The following SPG11 variants were observed in gnomAD, a reference collection of about 807,000 sequenced individuals.
SPG11 encodes SPG11 vesicle trafficking associated, spatacsin.
In SPG11, 222 loss-of-function variants were observed where a neutral mutation model predicts 274.0. The ratio of observed to expected loss-of-function variants is 0.81; its 90% CI spans 0.73 to 0.91. SPG11 has a LOEUF of 0.91. Among genes scored for constraint, SPG11 ranks in the 40% least tolerant of loss-of-function variants. The probability of loss-of-function intolerance (pLI) is 0.00; values close to 1 mark genes in which losing one functional copy is unlikely to be tolerated. For missense variants in SPG11, 3,114 were observed against 2,872.7 expected (o/e 1.08, Z -1.92); for synonymous variants, 1,144 against 1,039.7 (o/e 1.10, Z -1.93).
intron 10 of SPG11, 147 bp from the exon 11 acceptor site, chr15:44,626,654 A>G: frequency 2.4e-6 from 2 of 827,226 alleles, no homozygotes; most frequent in South Asian, 3.4e-5. Context: ...TTCAAGGGAT[A>G]TTAAATTGAG....
At chr15:44,637,566 G>A (rs541375951) in intron 7 of SPG11, among the ~76,000 whole-genome samples, 10 of 152,160 alleles carry the variant, frequency 6.6e-5, no homozygotes, top group Middle Eastern at 3.4e-3. Context: ...TGCGCACCTC[G>A]GCCTCCCAAA....
At chr15:44,619,616 G>GA (rs1313094764) in intron 15 of SPG11, among the ~76,000 whole-genome samples, 2 of 152,008 alleles carry the variant, frequency 1.3e-5, no homozygotes, top group African/African-American at 4.8e-5. Flanking sequence ...TAGCCCTACT[G>GA]AAAACTTAAC....
intron 28 of SPG11, chr15:44,588,663 A>G (rs1394721926): frequency 2.3e-5 from 10 of 433,998 alleles, no homozygotes; most frequent in East Asian, 2.2e-4. Flanking sequence ...AAAAAAGCAA[A>G]TAACAAGGGA....
intron 35 of SPG11, among the ~76,000 whole-genome samples, chr15:44,568,840 A>G (rs959458859): frequency 1.2e-4 from 18 of 152,200 alleles, no homozygotes; most frequent in Admixed American, 3.3e-4. Flanking sequence ...GGCAGGAGAC[A>G]GAGGCTGAGG....
intron 38 of SPG11, 38 bp downstream of exon 38, chr15:44,565,816 T>C (rs2082295540): frequency 1.2e-6 from 2 of 1,612,444 alleles, no homozygotes; most frequent in African/African-American, 1.3e-5. Context: ...GGAGAGAGGA[T>C]GCTAGCAGTG....
chr15:44,638,650 TATG>T (rs2084352692), intron 7 of SPG11, among the ~76,000 whole-genome samples: 1 of 152,140 alleles, frequency 6.6e-6, no homozygotes, highest in Non-Finnish European at 1.5e-5. Context: ...CTGGAGTGCT[TATG>T]ATGTTTTATT....
rs769972808 is a variant in SPG11 at position 44,620,392 on chromosome 15, A to G, written c.2632T>C (p.Tyr878His). The change falls in exon 15 of 40, where the codon TAT becomes CAT. Residue 878 changes from tyrosine (Y) to histidine (H), a missense_variant. Coordinates refer to ENST00000261866, the MANE Select transcript of SPG11 (RefSeq NM_025137.4). Reference sequence around the variant, plus strand: ...TATCTCCAGAGGGCTTCAGGGGAATATGATTTGTATTCTACATGAAAAAAA... The same window carrying G: ...TATCTCCAGAGGGCTTCAGGGGAATGTGATTTGTATTCTACATGAAAAAAA... ...PRISPEEYKS[Y>H]SPEALWRYLT... is the part of the protein sequence containing the mutation. 3 of 1,612,294 alleles carry G rather than the reference A, an allele frequency of 1.9e-6. No homozygotes were observed. The South Asian group carries it at 3.3e-5, about 18-fold the overall frequency.
intron 14 of SPG11, chr15:44,621,335 T>C (rs888545327): frequency 6.4e-6 from 1 of 155,698 alleles, no homozygotes; most frequent in African/African-American, 2.4e-5. Flanking sequence ...AAAAATAAAT[T>C]AAAAATAATA....
At position 44,628,841 on chromosome 15, in the gene SPG11, A is replaced by G; in HGVS notation, c.1895T>C (p.Leu632Pro). 1.2e-6 allele frequency: 2 copies of G among 1,612,802 alleles called. No homozygotes were observed. Among genetic ancestry groups the G allele is most frequent in the Non-Finnish European group, 1.7e-6 (2 of 1,179,816 alleles). The part of the protein sequence containing the change: ...IKELFIHTEE[L>P]DEHLQKGVNI... ...CACTCCTTTTTGCAGATGTTCATCT[A>G]GTTCTATGGAAAATACCAATGTGCC... is the stretch of plus-strand genomic sequence containing the variant. Residue 632 changes from leucine (L) to proline (P), a missense_variant, in exon 10 of 40, where the codon CTA becomes CCA. Physicochemically the swap from Leu to Pro is moderately conservative, Grantham distance 98. Coordinates refer to ENST00000261866, the MANE Select transcript of SPG11 (RefSeq NM_025137.4).
chr15:44,660,578 G>T lies in SPG11; in HGVS notation c.296C>A (p.Thr99Asn). 6.2e-7 allele frequency: 1 copy of T among 1,614,160 alleles called. No homozygotes were observed. Among genetic ancestry groups the T allele is most frequent in the Non-Finnish European group, 8.5e-7 (1 of 1,180,032 alleles). The change falls in exon 2 of 40, where the codon ACT becomes AAT. Residue 99 changes from threonine (T) to asparagine (N), a missense_variant. Thr to Asn is a moderately conservative substitution (Grantham distance 65). Coordinates refer to ENST00000261866, the MANE Select transcript of SPG11 (RefSeq NM_025137.4). The part of the protein sequence containing the change: ...WEDSRNSSTP[T>N]EKPKLLALGE... The stretch of plus-strand genomic sequence containing the variant: ...AAGAGCGAGCAGTTTGGGCTTTTCA[G>T]TTGGTGTGCTGCTGTTACGAGAATC...
rs749192217 is a variant in SPG11, at chr15:44,613,441, C to T, written c.3134G>A (p.Ser1045Asn). ...EFLVQCRQVA[S>N]NLTDPKLIFQ... ...CAGTATACCCATACCTGTTAAGTTA[C>T]TGGCAACTTGTCGACACTGAACTAA... Residue 1045 changes from serine (S) to asparagine (N), a missense_variant, in exon 17 of 40, where the codon AGT becomes AAT. Coordinates refer to ENST00000261866, the MANE Select transcript of SPG11 (RefSeq NM_025137.4). The T allele has an allele frequency of 1.2e-5, 20 of 1,612,414 alleles. No individual in the cohort carries two copies. The highest frequency in any genetic ancestry group is 1.3e-5 in the Non-Finnish European group (15 of 1,178,626).
At chr15:44,647,786 T>C (rs149851362) in intron 7 of SPG11, among the ~76,000 whole-genome samples, 46 of 152,344 alleles carry the variant, frequency 3.0e-4, no homozygotes, top group African/African-American at 1.1e-3. Flanking sequence ...CTAATGGTTA[T>C]GGACTTTCTT....
At chr15:44,601,552 C>T (rs2083188810) in intron 20 of SPG11, among the ~76,000 whole-genome samples, 1 of 149,790 alleles carries the variant, frequency 6.7e-6, no homozygotes, top group South Asian at 2.1e-4. Context: ...TGCGCCCAGC[C>T]TCTTCTTTTT....
chr15:44,616,947 C>T (rs1881061530), intron 15 of SPG11, among the ~76,000 whole-genome samples: 2 of 152,130 alleles, frequency 1.3e-5, no homozygotes, highest in South Asian at 4.1e-4. Flanking sequence ...GCATCTTTTC[C>T]TATATTGATT....
At chr15:44,602,115 T>C (rs1189143997) in intron 20 of SPG11, among the ~76,000 whole-genome samples, 1 of 152,226 alleles carries the variant, frequency 6.6e-6, no homozygotes, top group African/African-American at 2.4e-5. Flanking sequence ...ACAGTTTTAC[T>C]GGTAGAGTCT....
intron 7 of SPG11, among the ~76,000 whole-genome samples, chr15:44,643,906 G>C (rs1003981072): frequency 1.3e-5 from 2 of 152,082 alleles, no homozygotes; most frequent in Admixed American, 1.3e-4. Context: ...GCTCACGCCT[G>C]TAATCCCAGC....
At position 44,573,697 on chromosome 15, in the gene SPG11, T is replaced by C. The variant is rs779124113; in HGVS notation, c.6055A>G (p.Met2019Val). 6 of 1,614,064 alleles carry C rather than the reference T, an allele frequency of 3.7e-6. No individual in the cohort carries two copies. The highest frequency in any genetic ancestry group is 1.3e-5 in the African/African-American group (1 of 74,916). The change falls in exon 32 of 40, where the codon ATG (methionine) becomes GTG (valine). Residue 2019 changes from methionine to valine, a missense_variant. Physicochemically the swap from Met to Val is conservative, Grantham distance 21. Coordinates refer to ENST00000261866, the MANE Select transcript of SPG11 (RefSeq NM_025137.4). ...TDVAAQDGEA[M>V]LRKILASQQP... Reference sequence around the variant, plus strand: ...TGAGAGGCCAAGATTTTCCGGAGCATGGCTTCACCATCCTGAGCAGCAACA... The same window carrying C: ...TGAGAGGCCAAGATTTTCCGGAGCACGGCTTCACCATCCTGAGCAGCAACA...
At position 44,663,551 on chromosome 15, in the gene SPG11, C is replaced by G; in HGVS notation, c.97G>C (p.Val33Leu). The G allele has an allele frequency of 6.3e-7, 1 of 1,597,610 alleles. No homozygotes were observed. The highest frequency in any genetic ancestry group is 2.3e-5 in the East Asian group (1 of 44,242). The change falls in exon 1 of 40, where the codon GTC becomes CTC. Residue 33 changes from valine (V) to leucine (L), a missense_variant. Val to Leu is a conservative substitution (Grantham distance 32). Transcript: ENST00000261866. ...AGCTGCCCCATCGCCTCGGCGGGGA[C>G]TGGCACCAACAGCATCGGTAGAACC... The part of the protein sequence containing the change: ...GRVLPMLLVP[V>L]PAEAMGQLGS...
chr15:44,592,557 G>C, intron 26 of SPG11, 119 bp from the exon 27 acceptor site: 1 of 708,122 alleles, frequency 1.4e-6, no homozygotes. Flanking sequence ...AGTGGCTCAT[G>C]CCTGTAATGC....
Sources: gnomAD v4.1 joint callset for allele counts (sites outside exome capture counted in the v4.1 genomes callset) on GRCh38, gnomAD v4.1.1 for gene constraint, MANE v1.5 for transcripts, NCBI Gene and HGNC (gene_info 2026-07-23, HGNC 2026-07-21) for gene names.